PALM2AKAP2: variants seen among roughly 807,000 people sequenced by gnomAD.
PALM2AKAP2 encodes PALM2 and AKAP2 fusion.
In PALM2AKAP2, 37 loss-of-function variants were observed where a neutral mutation model predicts 71.5. That is an observed-to-expected ratio of 0.52 (90% CI 0.40 to 0.68). The LOEUF (loss-of-function observed/expected upper bound fraction) is 0.68. Among genes scored for constraint, PALM2AKAP2 ranks in the 30% least tolerant of loss-of-function variants. The pLI, the probability that PALM2AKAP2 is intolerant of heterozygous loss-of-function variation, is 0.00. For missense variants in PALM2AKAP2, 1,224 were observed against 1,191.8 expected (o/e 1.03, Z -0.40); for synonymous variants, 468 against 478.8 (o/e 0.98, Z 0.29).
At chr9:110,145,747 A>C (rs896719791) in intron 2 of PALM2AKAP2, among the ~76,000 whole-genome samples, 2 of 151,716 alleles carry the variant, frequency 1.3e-5, no homozygotes, top group Admixed American at 1.3e-4. Flanking sequence ...GACTATGTTG[A>C]AGCTATGTTT....
At chr9:109,893,580 G>T (rs1265166847) in intron 3 of PALM2AKAP2, among the ~76,000 whole-genome samples, 1 of 152,078 alleles carries the variant, frequency 6.6e-6, no homozygotes, top group East Asian at 1.9e-4. Flanking sequence ...AGAGTAGCTG[G>T]GATTACAGTT....
intron 6 of PALM2AKAP2, among the ~76,000 whole-genome samples, chr9:110,015,450 A>G (rs1033338753): frequency 6.6e-6 from 1 of 152,164 alleles, no homozygotes; most frequent in Non-Finnish European, 1.5e-5. Context: ...AAATACAAAA[A>G]TTAGTCAGGT....
chr9:109,962,929 T>G (rs1831879545), intron 6 of PALM2AKAP2, among the ~76,000 whole-genome samples: 1 of 152,212 alleles, frequency 6.6e-6, no homozygotes, highest in Non-Finnish European at 1.5e-5. Context: ...ATAGATTATC[T>G]TATTTAACTT....
At chr9:109,716,706 CA>C in intron 1 of PALM2AKAP2, among the ~76,000 whole-genome samples, 1 of 152,174 alleles carries the variant, frequency 6.6e-6, no homozygotes, top group Non-Finnish European at 1.5e-5. Context: ...GTTGTCCCAT[CA>C]AATGCCTTTC....
chr9:110,066,943 C>A, intron 1 of PALM2AKAP2, among the ~76,000 whole-genome samples: 1 of 151,904 alleles, frequency 6.6e-6, no homozygotes, highest in East Asian at 1.9e-4. Flanking sequence ...ATAGTTTTAG[C>A]AAAGAAGTAT....
chr9:110,125,669 G>A (rs1835587962), intron 1 of PALM2AKAP2: 12 of 906,938 alleles, frequency 1.3e-5, no homozygotes, highest in Non-Finnish European at 1.6e-5. Flanking sequence ...CTTTTTTTGA[G>A]GCCAGTGTCT....
Position 109,749,552 on chromosome 9 carries a change from G to GAA in PALM2AKAP2, c.6-30924_6-30923dup, listed in dbSNP as rs11424372. On this transcript the variant is annotated intron_variant, in intron 1 of 6. Coordinates refer to the PALM2AKAP2 transcript ENST00000374531. ...AGTGCAAATGTGTTTTCATAGGTTAGAAAAAAAAAAAAAGCCCAAAAAGTA... is the reference window on the plus strand; with the variant it reads ...AGTGCAAATGTGTTTTCATAGGTTAGAAAAAAAAAAAAAAAGCCCAAAAAGTA... Among the ~76,000 whole-genome samples the GAA allele has an allele frequency of 1.9e-3, 270 of 144,042 alleles. 1 individual carries two copies. Among genetic ancestry groups the GAA allele is most frequent in the East Asian group, 2.6e-3 (13 of 4,978 alleles). The allele number at this position is 144,042 out of a possible 152,430, so 94.5% of individuals were successfully genotyped here. A position where few individuals can be genotyped will look rare whatever the true frequency, so the allele number is the denominator to read the frequency against.
At chr9:109,919,657 A>G (rs1830778398) in intron 3 of PALM2AKAP2, among the ~76,000 whole-genome samples, 2 of 151,930 alleles carry the variant, frequency 1.3e-5, no homozygotes, top group Non-Finnish European at 1.5e-5. Context: ...ATATATGTGT[A>G]TATATATTAT....
chr9:109,820,986 C>G (rs1827983166), intron 1 of PALM2AKAP2, among the ~76,000 whole-genome samples: 1 of 152,202 alleles, frequency 6.6e-6, no homozygotes, highest in Non-Finnish European at 1.5e-5. Context: ...CAACTACGCC[C>G]AGGAACTTCT....
At chr9:109,913,991 C>T (rs563196170) in intron 3 of PALM2AKAP2, among the ~76,000 whole-genome samples, 10 of 152,208 alleles carry the variant, frequency 6.6e-5, no homozygotes, top group Admixed American at 3.3e-4. Flanking sequence ...CTCCTGACCT[C>T]GTGATCCACC....
intron 1 of PALM2AKAP2, among the ~76,000 whole-genome samples, chr9:109,795,032 G>T (rs188818555): frequency 8.5e-5 from 13 of 152,316 alleles, no homozygotes; most frequent in Admixed American, 8.5e-4. Flanking sequence ...TTGGAGAATG[G>T]GAAGCCAACC....
chr9:109,667,113 G>A (rs1485376358), intron 1 of PALM2AKAP2, among the ~76,000 whole-genome samples: 2 of 152,150 alleles, frequency 1.3e-5, no homozygotes, highest in Non-Finnish European at 2.9e-5. Context: ...CTCCAACCAT[G>A]CTCGTATTCT....
chr9:109,769,897 G>A lies in PALM2AKAP2; in HGVS notation c.6-10591G>A, dbSNP rs144987479. On this transcript the variant is annotated intron_variant, in intron 1 of 6. Coordinates refer to the PALM2AKAP2 transcript ENST00000374531. ...AACTACTGTATGTAGATGCAAAGGA[G>A]GTACCTTCTCGGGGAGATCGGGTGA... Among the ~76,000 whole-genome samples the A allele has an allele frequency of 3.9e-4, 59 of 152,206 alleles. No individual in the cohort carries two copies. The East Asian group carries it at 8.7e-3, about 22-fold the overall frequency.
upstream of PALM2AKAP2, among the ~76,000 whole-genome samples, chr9:110,043,714 G>GTTTTTTTTTTT (rs71492869): frequency 4.1e-5 from 4 of 98,408 alleles, no homozygotes; most frequent in East Asian, 2.8e-4. Context: ...GTTTTTTTTG[G>GTTTTTTTTTTT]TGTTTTTTTT....
intron 3 of PALM2AKAP2, among the ~76,000 whole-genome samples, chr9:109,921,706 A>G (rs1830833909): frequency 6.6e-6 from 1 of 152,212 alleles, no homozygotes; most frequent in African/African-American, 2.4e-5. Context: ...CATGGGGTAC[A>G]TGTGGGCAAA....
chr9:109,853,345 TG>T (rs1446051851), intron 1 of PALM2AKAP2, among the ~76,000 whole-genome samples: 5 of 152,248 alleles, frequency 3.3e-5, no homozygotes, highest in Non-Finnish European at 7.3e-5. Context: ...ACAAAACCTT[TG>T]GCATTTCAGT....
chr9:109,736,864 A>G (rs940358384), intron 1 of PALM2AKAP2, among the ~76,000 whole-genome samples: 2 of 152,216 alleles, frequency 1.3e-5, no homozygotes, highest in African/African-American at 4.8e-5. Flanking sequence ...TCCCATGATT[A>G]CAGCTAACAT....
chr9:110,136,864 G>A (rs1278996325), exon 2 of PALM2AKAP2: 2 of 1,614,186 alleles, frequency 1.2e-6, no homozygotes, highest in Non-Finnish European at 8.5e-7. Context: ...TTAGAAAAGT[G>A]AGGCCTTCAG....
In PALM2AKAP2 at chr9:110,040,662, T is replaced by G. The variant is rs923486943; in HGVS notation, c.582+24623T>G. ...AATTACTAGGAAAATGTTACAGTCG[T>G]ATTTTTTTTAACAAAAACTAAGAAA... On this transcript the variant is annotated intron_variant, in intron 7 of 9. Coordinates refer to the PALM2AKAP2 transcript ENST00000302798. Among the ~76,000 whole-genome samples the G allele has an allele frequency of 2.4e-4, 36 of 152,110 alleles. 1 individual carries two copies. Among genetic ancestry groups the G allele is most frequent in the Non-Finnish European group, 7.4e-5 (5 of 68,000 alleles).
Sources: allele counts gnomAD v4.1 joint callset (sites outside exome capture counted in the v4.1 genomes callset), GRCh38; gene constraint gnomAD v4.1.1; transcripts MANE v1.5; gene names NCBI Gene and HGNC (gene_info 2026-07-23, HGNC 2026-07-21).